KMT5B: variants seen among roughly 807,000 people sequenced by gnomAD.
KMT5B encodes the protein histone-lysine N-methyltransferase KMT5B.
KMT5B carries 10 observed loss-of-function variants against 83.2 expected under a neutral mutation model. The ratio of observed to expected loss-of-function variants is 0.12; its 90% CI spans 0.07 to 0.20. KMT5B has a LOEUF of 0.20. Among genes scored for constraint, KMT5B ranks in the 10% least tolerant of loss-of-function variants. KMT5B has a pLI of 1.00. For synonymous variants in KMT5B, 349 were observed against 388.8 expected (o/e 0.90, Z 1.20); for missense variants, 753 against 1,067.2 (o/e 0.71, Z 4.10).
chr11:68,198,114 A>T (rs1170955939), intron 1 of KMT5B, among the ~76,000 whole-genome samples: 2 of 152,186 alleles, frequency 1.3e-5, no homozygotes, highest in East Asian at 3.8e-4. Flanking sequence ...GTATAGACAA[A>T]TAGGGGTTGA....
At chr11:68,182,735 ATTT>A (rs1013344475) in intron 3 of KMT5B, among the ~76,000 whole-genome samples, 10 of 139,166 alleles carry the variant, frequency 7.2e-5, no homozygotes, top group South Asian at 2.3e-4. Flanking sequence ...TTTCATTGTA[ATTT>A]TTTTTTTTTT....
chr11:68,210,471 A>G (rs1356294512), intron 1 of KMT5B, among the ~76,000 whole-genome samples: 1 of 152,196 alleles, frequency 6.6e-6, no homozygotes, highest in Non-Finnish European at 1.5e-5. Context: ...ATTGGAAGTG[A>G]CCTCAGAGTC....
chr11:68,157,089 G>A lies in KMT5B; in HGVS notation c.*599C>T, dbSNP rs1441019093. 6.7e-6 allele frequency: 1 copy of A among 149,056 alleles called. No homozygotes were observed. The allele number at this position is 149,056 out of a possible 1,614,324, so 9.2% of individuals were successfully genotyped here. ...AACTGAAAAGTGAGCTGTCACGTAT[G>A]TCATTTTTTTTTTTTTTTTAAGAAA... is the stretch of plus-strand genomic sequence containing the variant. On this transcript the variant is annotated 3_prime_UTR_variant, in exon 11 of 11. Transcript: ENST00000304363.
rs1859567243 is a variant in KMT5B, at chr11:68,202,498, CTG to C, written c.-77+10638_-77+10639del. On this transcript the variant is annotated intron_variant, in intron 1 of 10. Coordinates refer to ENST00000304363, the MANE Select transcript of KMT5B (RefSeq NM_017635.5). ...GCTTATTACAACCATACTCACTACT[CTG>C]TGTAATTATCTGGTAACACCTGCCT... 2.0e-5 allele frequency among the ~76,000 whole-genome samples: 3 copies of C among 150,694 alleles called. No individual in the cohort carries two copies. The South Asian group carries it at 6.3e-4, about 32-fold the overall frequency.
At chr11:68,202,604 A>G (rs1859592176) in intron 1 of KMT5B, among the ~76,000 whole-genome samples, 1 of 139,094 alleles carries the variant, frequency 7.2e-6, no homozygotes, top group African/African-American at 2.7e-5. Flanking sequence ...GCTGGAGTGC[A>G]GTGGCTCAAT....
At position 68,161,359 on chromosome 11, in the gene KMT5B, T is replaced by C. The variant is rs75432713; in HGVS notation, c.1175-2188A>G. ...ACTGCTTGGCTTCCCTTTGCTTGGC[T>C]CTCTCAGATGTGGCTACGATGATCC... On this transcript the variant is annotated intron_variant, in intron 10 of 10. Transcript: ENST00000304363. 5.3e-3 allele frequency among the ~76,000 whole-genome samples: 808 copies of C among 152,296 alleles called. 11 individuals are homozygous for C. The highest frequency in any genetic ancestry group is 0.019 in the African/African-American group (770 of 41,550).
At chr11:68,198,243 G>T (rs1485047382) in intron 1 of KMT5B, among the ~76,000 whole-genome samples, 1 of 152,120 alleles carries the variant, frequency 6.6e-6, no homozygotes, top group Non-Finnish European at 1.5e-5. Context: ...AATTAGCCAG[G>T]CGTGGTGTCA....
intron 5 of KMT5B, chr11:68,174,114 G>A (rs1402267241): frequency 3.2e-6 from 2 of 628,170 alleles, no homozygotes; most frequent in East Asian, 3.2e-5. Context: ...GTGGGAGGCT[G>A]AGAGGAAGAA....
chr11:68,166,084 T>C (rs1855295750), intron 10 of KMT5B: 1 of 1,510,342 alleles, frequency 6.6e-7, no homozygotes, highest in East Asian at 2.3e-5. Flanking sequence ...AACAAAGGCA[T>C]ACTTTCGGAA....
At chr11:68,179,783 T>C (rs892658161) in intron 4 of KMT5B, 17 of 489,118 alleles carry the variant, frequency 3.5e-5, no homozygotes, top group Admixed American at 2.9e-4. Context: ...CCACAGTTTG[T>C]AGACGCTGAG....
chr11:68,200,030 CT>C (rs1383293651), intron 1 of KMT5B, among the ~76,000 whole-genome samples: 1 of 152,118 alleles, frequency 6.6e-6, no homozygotes, highest in Admixed American at 6.6e-5. Context: ...GTTTTAGTCA[CT>C]TTTGAGATGC....
intron 1 of KMT5B, among the ~76,000 whole-genome samples, chr11:68,198,729 G>A (rs1218858102): frequency 1.3e-5 from 2 of 152,124 alleles, no homozygotes; most frequent in Non-Finnish European, 2.9e-5. Flanking sequence ...AGAAAGTACT[G>A]ACTGCTTCTT....
chr11:68,212,518 G>A (rs1861040488), intron 1 of KMT5B: 1 of 152,028 alleles, frequency 6.6e-6, no homozygotes, highest in African/African-American at 2.4e-5. Context: ...AAGTTGCATC[G>A]AGTTGTCATT....
At chr11:68,183,533 A>C (rs1441683463) in intron 3 of KMT5B, among the ~76,000 whole-genome samples, 1 of 151,072 alleles carries the variant, frequency 6.6e-6, no homozygotes, top group Non-Finnish European at 1.5e-5. Context: ...AATTTTTTGT[A>C]TTTTTAGTAG....
chr11:68,196,329 A>T (rs1237909099), intron 1 of KMT5B, among the ~76,000 whole-genome samples: 1 of 151,664 alleles, frequency 6.6e-6, no homozygotes, highest in East Asian at 1.9e-4. Context: ...ATTCACTGCC[A>T]AATCTAGTTA....
chr11:68,182,978 C>T (rs1052030230), intron 3 of KMT5B, among the ~76,000 whole-genome samples: 10 of 151,916 alleles, frequency 6.6e-5, no homozygotes, highest in Admixed American at 1.3e-4. Flanking sequence ...TCAGGTGATC[C>T]GCCCACCTCA....
Position 68,185,946 on chromosome 11 carries a change from A to T in KMT5B, c.161-18T>A. 2 of 1,564,986 alleles carry T rather than the reference A, an allele frequency of 1.3e-6. No individual in the cohort carries two copies. Among genetic ancestry groups the T allele is most frequent in the Non-Finnish European group, 1.7e-6 (2 of 1,153,026 alleles). ...ACCATTACCTGTGAAAAGCAAAAGC[A>T]AGAAAAATTACTCAAATTGAAAACT... is the stretch of plus-strand genomic sequence containing the variant. On this transcript the variant is annotated intron_variant, in intron 2 of 10. Transcript: ENST00000304363.
Position 68,155,998 on chromosome 11 carries a change from G to A in KMT5B, c.*1690C>T, listed in dbSNP as rs1226148488. 6.6e-6 allele frequency: 1 copy of A among 152,120 alleles called. No individual in the cohort carries two copies. Among genetic ancestry groups the A allele is most frequent in the Non-Finnish European group, 1.5e-5 (1 of 68,016 alleles). The allele number at this position is 152,120 out of a possible 1,614,324, so 9.4% of individuals were successfully genotyped here. A position where few individuals can be genotyped will look rare whatever the true frequency, so the allele number is the denominator to read the frequency against. ...TCTTAATTTCTATTTGGAACCTATG[G>A]GCAATCAACAGTCTTAAGGAGCGTC... On this transcript the variant is annotated 3_prime_UTR_variant, in exon 11 of 11. Coordinates refer to ENST00000304363, the MANE Select transcript of KMT5B (RefSeq NM_017635.5).
chr11:68,190,939 T>G (rs1020687054), intron 1 of KMT5B, among the ~76,000 whole-genome samples: 2 of 152,208 alleles, frequency 1.3e-5, no homozygotes, highest in African/African-American at 2.4e-5. Context: ...TACTCCAGCC[T>G]GGGTGACAGA....
Sources: gnomAD v4.1 joint callset for allele counts (sites outside exome capture counted in the v4.1 genomes callset) on GRCh38, gnomAD v4.1.1 for gene constraint, MANE v1.5 for transcripts, NCBI Gene and HGNC (gene_info 2026-07-23, HGNC 2026-07-21) for gene names.